ANKS1B: variants seen among roughly 807,000 people sequenced by gnomAD.
ANKS1B encodes the protein ankyrin repeat and sterile alpha motif domain-containing protein 1B.
ANKS1B carries 36 observed loss-of-function variants against 148.3 expected under a neutral mutation model. The ratio of observed to expected loss-of-function variants is 0.24; its 90% CI spans 0.19 to 0.32. The LOEUF (loss-of-function observed/expected upper bound fraction) is 0.32, where lower values mean the gene tolerates loss of function less well. Ranked by LOEUF, ANKS1B falls within the 10% of genes least tolerant of loss-of-function variation. The pLI is 1.00. For missense variants in ANKS1B, 1,157 were observed against 1,542.6 expected (o/e 0.75, Z 4.19); for synonymous variants, 542 against 560.8 (o/e 0.97, Z 0.47).
intron 17 of ANKS1B, among the ~76,000 whole-genome samples, chr12:98,997,196 A>C (rs118050391): frequency 0.033 from 5,033 of 152,276 alleles, 124 homozygotes; most frequent in Middle Eastern, 0.071. Context: ...AAATTACTAA[A>C]AGGATATATA....
chr12:99,463,619 C>T (rs529951026), intron 10 of ANKS1B, among the ~76,000 whole-genome samples: 28 of 152,332 alleles, frequency 1.8e-4, no homozygotes, highest in African/African-American at 6.3e-4. Flanking sequence ...GCTTAAAAAA[C>T]GGTGCACCAG....
At chr12:99,534,325 T>C (rs576417042) in intron 9 of ANKS1B, among the ~76,000 whole-genome samples, 1 of 152,386 alleles carries the variant, frequency 6.6e-6, no homozygotes, top group South Asian at 2.1e-4. Context: ...TGAATGTTTC[T>C]CAATTATACA....
At chr12:99,466,372 A>T in intron 10 of ANKS1B, among the ~76,000 whole-genome samples, 1 of 152,162 alleles carries the variant, frequency 6.6e-6, no homozygotes, top group Non-Finnish European at 1.5e-5. Context: ...CATCACAATT[A>T]AAAGAACTAG....
At chr12:99,400,208 CCTTACAACA>C in intron 11 of ANKS1B, among the ~76,000 whole-genome samples, 1 of 111,908 alleles carries the variant, frequency 8.9e-6, no homozygotes, top group Admixed American at 8.4e-5. Flanking sequence ...AATAAAAGGG[CCTTACAACA>C]TAGAAGAATA....
intron 12 of ANKS1B, among the ~76,000 whole-genome samples, chr12:99,259,773 C>CG (rs749747027): frequency 2.7e-5 from 4 of 146,662 alleles, no homozygotes; most frequent in Non-Finnish European, 6.2e-5. Flanking sequence ...CCTTCCCACA[C>CG]GTCTTTCCTC....
At chr12:99,489,788 C>G (rs1467718225) in intron 10 of ANKS1B, among the ~76,000 whole-genome samples, 3 of 152,158 alleles carry the variant, frequency 2.0e-5, no homozygotes, top group Admixed American at 6.5e-5. Flanking sequence ...CCATTATTCT[C>G]TTTTTATTGC....
intron 15 of ANKS1B, among the ~76,000 whole-genome samples, chr12:99,108,820 T>C (rs557984143): frequency 3.1e-4 from 47 of 152,158 alleles, no homozygotes; most frequent in Non-Finnish European, 5.6e-4. Flanking sequence ...GGACACTTTA[T>C]GGGCATAATA....
At chr12:99,564,811 A>G (rs1303256793) in intron 9 of ANKS1B, among the ~76,000 whole-genome samples, 3 of 152,154 alleles carry the variant, frequency 2.0e-5, no homozygotes, top group Non-Finnish European at 4.4e-5. Context: ...GAAATTAATT[A>G]CATTCATTAC....
intron 9 of ANKS1B, among the ~76,000 whole-genome samples, chr12:99,538,725 T>G (rs947518870): frequency 3.9e-5 from 6 of 152,160 alleles, no homozygotes; most frequent in African/African-American, 1.4e-4. Context: ...ATGGAGGCCC[T>G]TTATATCTTT....
chr12:99,823,036 G>A (rs981109452), intron 2 of ANKS1B, among the ~76,000 whole-genome samples: 3 of 152,100 alleles, frequency 2.0e-5, no homozygotes, highest in African/African-American at 4.8e-5. Context: ...TTTCTCTGAC[G>A]ATTAGTGATG....
At chr12:99,643,243 C>G (rs1357682696) in intron 9 of ANKS1B, among the ~76,000 whole-genome samples, 2 of 152,116 alleles carry the variant, frequency 1.3e-5, no homozygotes, top group African/African-American at 4.8e-5. Flanking sequence ...TCAACTTAAA[C>G]TCAAAATCTC....
At chr12:99,312,773 G>A (rs1423078213) in intron 12 of ANKS1B, among the ~76,000 whole-genome samples, 4 of 151,720 alleles carry the variant, frequency 2.6e-5, no homozygotes, top group African/African-American at 9.7e-5. Context: ...TGTTGGCTTT[G>A]TGTTAAGAGG....
At chr12:99,706,656 T>C (rs1299588496) in intron 8 of ANKS1B, 1 of 152,082 alleles carries the variant, frequency 6.6e-6, no homozygotes, top group African/African-American at 2.4e-5. Context: ...ACAAAGACAA[T>C]GGCATGTTAA....
chr12:99,288,675 G>A (rs1207189082), intron 12 of ANKS1B, among the ~76,000 whole-genome samples: 1 of 151,998 alleles, frequency 6.6e-6, no homozygotes, highest in African/African-American at 2.4e-5. Context: ...TTTGCAGTCA[G>A]GGTTAAGTTG....
intron 1 of ANKS1B, among the ~76,000 whole-genome samples, chr12:99,872,243 T>C (rs948205473): frequency 6.6e-5 from 10 of 152,122 alleles, no homozygotes; most frequent in Admixed American, 2.6e-4. Flanking sequence ...CAGAAATGTG[T>C]ATGTATGTGC....
At chr12:98,946,158 C>T (rs1393549714) in intron 17 of ANKS1B, among the ~76,000 whole-genome samples, 2 of 152,158 alleles carry the variant, frequency 1.3e-5, no homozygotes, top group Admixed American at 6.5e-5. Flanking sequence ...TTTTTTGGGG[C>T]TTCTAGGTAA....
intron 2 of ANKS1B, among the ~76,000 whole-genome samples, chr12:99,812,514 CA>C (rs2068504729): frequency 4.1e-4 from 25 of 61,648 alleles, no homozygotes; most frequent in African/African-American, 1.4e-3. Flanking sequence ...CCCCATGCCA[CA>C]CACACACACA....
intron 9 of ANKS1B, among the ~76,000 whole-genome samples, chr12:99,530,853 T>G (rs2153088822): frequency 6.6e-6 from 1 of 152,312 alleles, no homozygotes; most frequent in African/African-American, 2.4e-5. Context: ...TAAATATTTG[T>G]TGAATAAAAA....
chr12:99,075,693 C>T (rs1180290506), intron 16 of ANKS1B, among the ~76,000 whole-genome samples: 1 of 151,628 alleles, frequency 6.6e-6, no homozygotes, highest in African/African-American at 2.4e-5. Context: ...GTCAACTGCT[C>T]CTCCTGAGTA....
Sources: allele counts gnomAD v4.1 joint callset (sites outside exome capture counted in the v4.1 genomes callset), GRCh38; gene constraint gnomAD v4.1.1; transcripts MANE v1.5; gene names NCBI Gene and HGNC (gene_info 2026-07-23, HGNC 2026-07-21).